TTC34: variants seen among roughly 807,000 people sequenced by gnomAD.
TTC34 encodes the protein tetratricopeptide repeat domain 34.
TTC34 carries 44 observed loss-of-function variants against 40.7 expected under a neutral mutation model. The observed-to-expected ratio is 1.08, with a 90% confidence interval of 0.85 to 1.39. TTC34 has a LOEUF of 1.39. Ranked by LOEUF, TTC34 falls within the 40% of genes most tolerant of loss-of-function variation. The probability of loss-of-function intolerance (pLI) is 0.00; values close to 1 mark genes in which losing one functional copy is unlikely to be tolerated. For missense variants in TTC34, 884 were observed against 838.0 expected (o/e 1.05, Z -0.68); for synonymous variants, 422 against 398.6 (o/e 1.06, Z -0.70).
intron 6 of TTC34, among the ~76,000 whole-genome samples, chr1:2,651,558 C>A (rs939014094): frequency 6.6e-6 from 1 of 151,714 alleles, no homozygotes; most frequent in African/African-American, 2.4e-5. Context: ...GCACTTCAAT[C>A]TTCAGCTGAG....
Position 2,788,020 on chromosome 1 carries a change from C to A in TTC34, c.1629-314G>T, listed in dbSNP as rs566377352. On this transcript the variant is annotated intron_variant, in intron 3 of 8. Coordinates refer to ENST00000401095, the Ensembl canonical transcript of TTC34. ...GCAAAAACACAGACGAACAATTTGG[C>A]CTTGCTGGGCTCAGGGGTGTGCCTA... Among the ~76,000 whole-genome samples, 4 of 152,346 alleles carry A rather than the reference C, an allele frequency of 2.6e-5. No homozygotes were observed. In the South Asian group the frequency reaches 8.3e-4, roughly 32 times the overall value.
rs1013867998 is a variant in TTC34, at chr1:2,781,688, T to C, written c.2226+1921A>G. 3.3e-5 allele frequency among the ~76,000 whole-genome samples: 5 copies of C among 152,320 alleles called. No homozygotes were observed. The Middle Eastern group carries it at 0.01, about 311-fold the overall frequency. ...ATATATGGATTTTATATTGAGGCAG[T>C]TTCCTTCTATTCCTAGTTTGTTGAG... On this transcript the variant is annotated intron_variant, in intron 6 of 8. Transcript: ENST00000401095.
intron 6 of TTC34, among the ~76,000 whole-genome samples, chr1:2,657,391 G>A (rs1346772402): frequency 1.1e-5 from 1 of 94,404 alleles, no homozygotes; most frequent in African/African-American, 3.2e-5. Flanking sequence ...CCCGAGGTGA[G>A]CATCTGACCT....
chr1:2,686,383 C>T lies in TTC34; in HGVS notation c.2227-40820G>A, dbSNP rs1640347744. ...CACCCCCAGGTGCGCATGTGATGGTCTGGAGCAGCACCCACACCCACAGGT... is the reference window on the plus strand; with the variant it reads ...CACCCCCAGGTGCGCATGTGATGGTTTGGAGCAGCACCCACACCCACAGGT... On this transcript the variant is annotated intron_variant, in intron 6 of 8. Transcript: ENST00000401095. 2.7e-5 allele frequency among the ~76,000 whole-genome samples: 4 copies of T among 149,236 alleles called. No individual in the cohort carries two copies. The East Asian group carries it at 6.0e-4, about 22-fold the overall frequency.
chr1:2,657,459 G>A (rs148566981), intron 6 of TTC34, among the ~76,000 whole-genome samples: 3,391 of 37,482 alleles, frequency 0.09, 30 homozygotes, highest in South Asian at 0.13. Context: ...CAGCACCCAC[G>A]CCCCCAGGCG....
At chr1:2,683,488 T>C (rs1483042625) in intron 6 of TTC34, among the ~76,000 whole-genome samples, 14 of 146,596 alleles carry the variant, frequency 9.6e-5, no homozygotes, top group South Asian at 4.3e-4. Flanking sequence ...GGCGAGCATC[T>C]GACAGCCTGG....
chr1:2,646,887 G>A (rs1639029702), intron 6 of TTC34, among the ~76,000 whole-genome samples: 1 of 152,144 alleles, frequency 6.6e-6, no homozygotes, highest in Non-Finnish European at 1.5e-5. Context: ...TTGTCTAACG[G>A]GTCTTTAATG....
rs539093822 is a variant in TTC34, at chr1:2,695,090, G to A, written c.2227-49527C>T. ...CACACACACCCCCAGGCGAGCATCTGACAACCTGGAACAGCACCCATACGC... is the reference window on the plus strand; with the variant it reads ...CACACACACCCCCAGGCGAGCATCTAACAACCTGGAACAGCACCCATACGC... On this transcript the variant is annotated intron_variant, in intron 6 of 8. Transcript: ENST00000401095. 1.0e-3 allele frequency among the ~76,000 whole-genome samples: 150 copies of A among 148,536 alleles called. 3 individuals carry two copies. The highest frequency in any genetic ancestry group is 3.6e-3 in the Middle Eastern group (1 of 274).
chr1:2,789,572 C>T, exon 3 of TTC34: 2 of 1,483,118 alleles, frequency 1.3e-6, no homozygotes, highest in Non-Finnish European at 1.8e-6. Context: ...CGGCCCGGCG[C>T]GTGGAGATCG....
Position 2,645,587 on chromosome 1 carries a change from G to GGGGGGGGGGGGGGCCCC in TTC34, c.2227-25_2227-24insGGGGCCCCCCCCCCCCC. The GGGGGGGGGGGGGGCCCC allele has an allele frequency of 4.4e-6, 1 of 229,528 alleles. No individual in the cohort carries two copies. Among genetic ancestry groups the GGGGGGGGGGGGGGCCCC allele is most frequent in the Non-Finnish European group, 8.6e-6 (1 of 116,452 alleles). 14.2% of individuals were successfully genotyped at this position (229,528 alleles called of 1,614,324 possible). A position where few individuals can be genotyped will look rare whatever the true frequency, so the allele number is the denominator to read the frequency against. On this transcript the variant is annotated intron_variant, in intron 6 of 8. Transcript: ENST00000401095. The surrounding 1 kb of genome is among the most constrained non-coding windows in gnomAD (Gnocchi z 4.7). ...TCCTGCAAGGAGGGAGGGCGGGCGG[G>GGGGGGGGGGGGGGCCCC]TGCAGAGTTGTCCTAAGTAGAGAAA... is the stretch of plus-strand genomic sequence containing the variant.
At chr1:2,792,671 G>A (rs1457509851) in intron 2 of TTC34, among the ~76,000 whole-genome samples, 1 of 152,218 alleles carries the variant, frequency 6.6e-6, no homozygotes, top group Non-Finnish European at 1.5e-5. Flanking sequence ...ACCTCTGTAT[G>A]TGCAGTTCTG....
At chr1:2,750,512 T>G (rs1307563770) in intron 6 of TTC34, among the ~76,000 whole-genome samples, 434 of 3,382 alleles carry the variant, frequency 0.13, 20 homozygotes, top group Middle Eastern at 0.25. Flanking sequence ...ACAGCCTGGA[T>G]CAGCACCCAC....
exon 9 of TTC34, chr1:2,641,609 A>C: frequency 6.5e-7 from 1 of 1,534,304 alleles, no homozygotes; most frequent in Non-Finnish European, 8.7e-7. Context: ...GGCCTGGGCA[A>C]AGGCCCCTGC....
chr1:2,783,677 C>T, exon 6 of TTC34: 1 of 1,540,862 alleles, frequency 6.5e-7, no homozygotes, highest in Non-Finnish European at 8.8e-7. Flanking sequence ...CCCGGCTCAG[C>T]CCGCAGCACT....
At chr1:2,685,920 C>T (rs1281048454) in intron 6 of TTC34, among the ~76,000 whole-genome samples, 1 of 122,826 alleles carries the variant, frequency 8.1e-6, no homozygotes, top group Non-Finnish European at 1.7e-5. Context: ...GCACGCACAC[C>T]CCCAGGTGAG....
intron 6 of TTC34, among the ~76,000 whole-genome samples, chr1:2,653,406 A>C (rs1297772626): frequency 1.4e-5 from 2 of 147,110 alleles, no homozygotes; most frequent in Non-Finnish European, 3.0e-5. Flanking sequence ...CAGCACCCAC[A>C]CCCCCAGGTG....
chr1:2,685,308 AGCACACACAC>A (rs1640282173), intron 6 of TTC34, among the ~76,000 whole-genome samples: 1 of 120,474 alleles, frequency 8.3e-6, no homozygotes, highest in African/African-American at 3.7e-5. Context: ...AGCCTGGAGC[AGCACACACAC>A]CCACAAGCGA....
At chr1:2,779,598 C>T (rs560578868) in intron 6 of TTC34, among the ~76,000 whole-genome samples, 30 of 152,360 alleles carry the variant, frequency 2.0e-4, no homozygotes, top group African/African-American at 6.7e-4. Context: ...GCTGGGATTA[C>T]AGGCGTGAGC....
chr1:2,779,321 A>T (rs546770110), intron 6 of TTC34, among the ~76,000 whole-genome samples: 3 of 148,572 alleles, frequency 2.0e-5, no homozygotes, highest in East Asian at 2.0e-4. Flanking sequence ...TGGTAGTTCT[A>T]TTTTTTTTTT....
Sources: gnomAD v4.1 joint callset for allele counts (sites outside exome capture counted in the v4.1 genomes callset) on GRCh38, gnomAD v4.1.1 for gene constraint, Gnocchi (gnomAD v3.1) non-coding constraint, MANE v1.5 for transcripts, NCBI Gene and HGNC (gene_info 2026-07-23, HGNC 2026-07-21) for gene names.